The following ARB2A variants were observed in gnomAD, a reference collection of about 807,000 sequenced individuals.
The protein encoded by ARB2A is cotranscriptional regulator ARB2A.
At chr5:93,842,054 C>A in the ARB2A span, among the ~76,000 whole-genome samples, 1 of 152,068 alleles carries the variant, frequency 6.6e-6, no homozygotes, top group Non-Finnish European at 1.5e-5. Flanking sequence ...AAGCTAGACA[C>A]AAAAGACTAC....
At chr5:93,821,369 T>C in the ARB2A span, among the ~76,000 whole-genome samples, 2 of 152,094 alleles carry the variant, frequency 1.3e-5, no homozygotes, top group Admixed American at 6.5e-5. Context: ...TTATGGCAAT[T>C]TAAATGACTG....
At chr5:93,912,505 A>G in the ARB2A span, among the ~76,000 whole-genome samples, 1 of 151,806 alleles carries the variant, frequency 6.6e-6, no homozygotes, top group African/African-American at 2.4e-5. Context: ...TTACCTAAAA[A>G]GTTCTGCAAA....
At chr5:93,969,220 A>G in the ARB2A span, among the ~76,000 whole-genome samples, 7 of 151,992 alleles carry the variant, frequency 4.6e-5, no homozygotes, top group Admixed American at 6.6e-5. Flanking sequence ...TTAAAATAAC[A>G]GCAACAATGT....
At chr5:93,799,489 C>T in the ARB2A span, among the ~76,000 whole-genome samples, 2 of 152,088 alleles carry the variant, frequency 1.3e-5, no homozygotes, top group African/African-American at 4.8e-5. Context: ...CGATTAGCTA[C>T]AGCACAGTGG....
At chr5:93,868,042 G>A in the ARB2A span, among the ~76,000 whole-genome samples, 1 of 152,140 alleles carries the variant, frequency 6.6e-6, no homozygotes, top group Non-Finnish European at 1.5e-5. Context: ...CTGAGATGCT[G>A]GGCATGGTGG....
the ARB2A span, among the ~76,000 whole-genome samples, chr5:93,998,548 C>T: frequency 6.6e-6 from 1 of 151,740 alleles, no homozygotes; most frequent in Admixed American, 6.6e-5. Context: ...ATTATTTTTC[C>T]TGGAGCATAG....
chr5:93,800,834 T>C, the ARB2A span, among the ~76,000 whole-genome samples: 1 of 152,130 alleles, frequency 6.6e-6, no homozygotes, highest in Non-Finnish European at 1.5e-5. Context: ...AATCTATAAA[T>C]AGAGTTAGGA....
At chr5:94,048,089 G>T in the ARB2A span, among the ~76,000 whole-genome samples, 1 of 106,154 alleles carries the variant, frequency 9.4e-6, no homozygotes, top group Non-Finnish European at 1.7e-5. Flanking sequence ...GAGTCTTACT[G>T]TGTCACCCAG....
chr5:93,963,784 G>A, the ARB2A span, among the ~76,000 whole-genome samples: 2 of 151,890 alleles, frequency 1.3e-5, no homozygotes, highest in South Asian at 2.1e-4. Context: ...TCCAACCACC[G>A]TTTCACACAC....
the ARB2A span, among the ~76,000 whole-genome samples, chr5:93,892,657 T>C: frequency 6.6e-6 from 1 of 152,180 alleles, no homozygotes; most frequent in East Asian, 1.9e-4. Context: ...CCATACTTAG[T>C]TGAGTGACTT....
the ARB2A span, among the ~76,000 whole-genome samples, chr5:93,651,329 T>C: frequency 6.6e-5 from 10 of 152,034 alleles, no homozygotes; most frequent in Non-Finnish European, 1.5e-4. Context: ...GAGACAGGGG[T>C]TGCACTATTT....
chr5:93,879,793 AT>A, the ARB2A span, among the ~76,000 whole-genome samples: 3 of 151,892 alleles, frequency 2.0e-5, no homozygotes, highest in Non-Finnish European at 4.4e-5. Flanking sequence ...GCAAAAAAAA[AT>A]TGTTTAAGAA....
At chr5:93,818,173 T>TA in the ARB2A span, among the ~76,000 whole-genome samples, 1 of 150,058 alleles carries the variant, frequency 6.7e-6, no homozygotes, top group Admixed American at 6.6e-5. Flanking sequence ...ATAGCTAATA[T>TA]AAAAAAAGAC....
At chr5:93,958,861 C>T in the ARB2A span, 1 of 1,609,696 alleles carries the variant, frequency 6.2e-7, no homozygotes, top group South Asian at 1.1e-5. Context: ...ACTGCCCTGC[C>T]CTGACAACAC....
the ARB2A span, chr5:94,074,731 A>T: frequency 6.2e-7 from 1 of 1,612,716 alleles, no homozygotes; most frequent in Non-Finnish European, 8.5e-7. Flanking sequence ...ACAAAATTAA[A>T]GAGCTCAAGG....
chr5:93,728,239 A>G, the ARB2A span, among the ~76,000 whole-genome samples: 1 of 152,108 alleles, frequency 6.6e-6, no homozygotes, highest in East Asian at 1.9e-4. Context: ...TTAATTTCAT[A>G]TGAGAATAAA....
chr5:94,063,331 T>C, the ARB2A span, among the ~76,000 whole-genome samples: 1,668 of 152,192 alleles, frequency 0.011, 25 homozygotes, highest in African/African-American at 0.037. Context: ...AACACAGTCA[T>C]AAACCTCACA....
At chr5:93,911,181 T>C in the ARB2A span, among the ~76,000 whole-genome samples, 1 of 151,532 alleles carries the variant, frequency 6.6e-6, no homozygotes, top group Non-Finnish European at 1.5e-5. Flanking sequence ...TCTGAAAAAA[T>C]TCAAAGTAGA....
At chr5:93,682,242 TAAAA>T in the ARB2A span, among the ~76,000 whole-genome samples, 6 of 136,536 alleles carry the variant, frequency 4.4e-5, no homozygotes, top group African/African-American at 1.1e-4. Context: ...CAGTCTAACT[TAAAA>T]AAAAAAAAAA....
Sources: gnomAD v4.1 joint callset for allele counts (sites outside exome capture counted in the v4.1 genomes callset) on GRCh38, gnomAD v4.1.1 for gene constraint, MANE v1.5 for transcripts, NCBI Gene and HGNC (gene_info 2026-07-23, HGNC 2026-07-21) for gene names.